The following MAML2 variants were observed in gnomAD, a reference collection of about 807,000 sequenced individuals.
MAML2 encodes mastermind-like protein 2.
A neutral mutation model predicts 96.1 loss-of-function variants in MAML2; 22 were observed. The observed-to-expected ratio is 0.23, with a 90% CI of 0.16 to 0.33. The LOEUF is 0.33. Among genes scored for constraint, MAML2 ranks in the 10% least tolerant of loss-of-function variants. The probability of loss-of-function intolerance (pLI) is 1.00; values close to 1 mark genes in which losing one functional copy is unlikely to be tolerated. For missense variants in MAML2, 1,367 were observed against 1,392.4 expected (o/e 0.98, Z 0.29); for synonymous variants, 561 against 521.3 (o/e 1.08, Z -1.04).
At chr11:96,113,185 A>C (rs1393875911) in intron 1 of MAML2, among the ~76,000 whole-genome samples, 1 of 12,204 alleles carries the variant, frequency 8.2e-5, no homozygotes, top group African/African-American at 3.8e-4. Flanking sequence ...AAAAAAAAAA[A>C]AAAAACTTTG....
chr11:96,294,185 G>A (rs1173104949), intron 1 of MAML2, among the ~76,000 whole-genome samples: 2 of 152,114 alleles, frequency 1.3e-5, no homozygotes, highest in Non-Finnish European at 2.9e-5. Flanking sequence ...AGGAAACTTA[G>A]ACAAATGCCA....
intron 1 of MAML2, among the ~76,000 whole-genome samples, chr11:96,310,704 G>T (rs1461096262): frequency 1.3e-5 from 2 of 152,124 alleles, no homozygotes; most frequent in Non-Finnish European, 1.5e-5. Flanking sequence ...GACTCTTCAC[G>T]CAAGTCAATT....
chr11:96,011,040 C>A (rs1858257814), intron 2 of MAML2, among the ~76,000 whole-genome samples: 1 of 152,110 alleles, frequency 6.6e-6, no homozygotes, highest in Non-Finnish European at 1.5e-5. Flanking sequence ...TCTCATCAGT[C>A]AGAATGGCTC....
chr11:95,998,174 G>GTCTGTCTGTCTGTCTGTCTGTCTGTCTA (rs139615820), intron 2 of MAML2, among the ~76,000 whole-genome samples: 39 of 147,824 alleles, frequency 2.6e-4, no homozygotes, highest in African/African-American at 8.8e-4. Context: ...CTGTCTGTCT[G>GTCTGTCTGTCTGTCTGTCTGTCTGTCTA]TCTATCTATC....
At chr11:96,066,301 C>T (rs1042902160) in intron 2 of MAML2, among the ~76,000 whole-genome samples, 3 of 152,188 alleles carry the variant, frequency 2.0e-5, no homozygotes, top group African/African-American at 7.2e-5. Context: ...GGGGCTGGCA[C>T]ACACTGACAT....
At chr11:96,028,101 T>C (rs1233353987) in intron 2 of MAML2, among the ~76,000 whole-genome samples, 1 of 152,210 alleles carries the variant, frequency 6.6e-6, no homozygotes, top group Non-Finnish European at 1.5e-5. Flanking sequence ...CTGCATCTTT[T>C]TCTATTTATT....
At position 95,991,527 on chromosome 11, in the gene MAML2, G is replaced by C; in HGVS notation, c.2336C>G (p.Ala779Gly). The C allele has an allele frequency of 1.9e-6, 3 of 1,613,102 alleles. No homozygotes were observed. The South Asian group carries it at 3.3e-5, about 18-fold the overall frequency. Residue 779 changes from alanine (A) to glycine (G), a missense_variant, in exon 3 of 5, where the codon GCT becomes GGT. By Grantham distance (60) the Ala-to-Gly change is moderately conservative (BLOSUM62 0). Transcript: ENST00000524717. ...ATTAAGAGAAAGTTTTACCGCGTCA[G>C]CCAGCATCTGCTGCTGGAGAAGAAG... is the stretch of plus-strand genomic sequence containing the variant. Reference protein sequence around the residue: ...QQLLLQQQMLADAEKIAPQDQ... With the variant: ...QQLLLQQQMLGDAEKIAPQDQ...
intron 1 of MAML2, among the ~76,000 whole-genome samples, chr11:96,245,025 T>C (rs1565260850): frequency 6.6e-6 from 1 of 152,148 alleles, no homozygotes; most frequent in Non-Finnish European, 1.5e-5. Flanking sequence ...GTAGAAACAA[T>C]GAATAATACA....
At chr11:96,101,587 G>A (rs1440048480) in intron 1 of MAML2, among the ~76,000 whole-genome samples, 1 of 152,310 alleles carries the variant, frequency 6.6e-6, no homozygotes. Context: ...TACCTTACCT[G>A]TATGATATGG....
At chr11:96,227,866 C>T (rs1444208277) in intron 1 of MAML2, among the ~76,000 whole-genome samples, 1 of 152,146 alleles carries the variant, frequency 6.6e-6, no homozygotes. Context: ...TTTTGGGAGG[C>T]CAAGGCAAGC....
intron 1 of MAML2, among the ~76,000 whole-genome samples, chr11:96,105,656 C>T (rs754211761): frequency 9.2e-5 from 14 of 152,212 alleles, no homozygotes; most frequent in Non-Finnish European, 1.9e-4. Flanking sequence ...CTTATAGCAA[C>T]TGTATCTAGG....
At chr11:96,103,747 A>T (rs541007021) in intron 1 of MAML2, among the ~76,000 whole-genome samples, 1 of 152,100 alleles carries the variant, frequency 6.6e-6, no homozygotes, top group South Asian at 2.1e-4. Flanking sequence ...TAAGCAATCA[A>T]GTATTCTCCA....
At chr11:96,070,405 A>G (rs1859326433) in intron 2 of MAML2, among the ~76,000 whole-genome samples, 1 of 152,246 alleles carries the variant, frequency 6.6e-6, no homozygotes, top group South Asian at 2.1e-4. Context: ...GCAGCCCCTT[A>G]GGGAGCCCAG....
chr11:96,066,039 A>G (rs995666503), intron 2 of MAML2, among the ~76,000 whole-genome samples: 11 of 152,142 alleles, frequency 7.2e-5, no homozygotes, highest in Admixed American at 3.9e-4. Flanking sequence ...GCTCCAAGAA[A>G]AGTGTCAATG....
intron 1 of MAML2, among the ~76,000 whole-genome samples, chr11:96,107,731 G>A (rs186144224): frequency 9.2e-5 from 14 of 152,250 alleles, no homozygotes; most frequent in African/African-American, 2.2e-4. Flanking sequence ...GTTGATCACC[G>A]GTGGCCAATG....
chr11:96,299,347 C>T (rs1277640258), intron 1 of MAML2, among the ~76,000 whole-genome samples: 3 of 151,202 alleles, frequency 2.0e-5, no homozygotes, highest in East Asian at 1.9e-4. Flanking sequence ...CACAACAATA[C>T]AGTTGGCAAG....
chr11:96,307,067 A>G (rs1367257994), intron 1 of MAML2, among the ~76,000 whole-genome samples: 1 of 152,198 alleles, frequency 6.6e-6, no homozygotes, highest in African/African-American at 2.4e-5. Context: ...CACGGCTGTA[A>G]TAAGTCACAA....
At chr11:96,191,101 C>T (rs1404549777) in intron 1 of MAML2, among the ~76,000 whole-genome samples, 2 of 152,048 alleles carry the variant, frequency 1.3e-5, no homozygotes, top group East Asian at 1.9e-4. Context: ...GTCTAAACTA[C>T]TATTATGTAA....
chr11:96,133,340 T>A (rs1860575799), intron 1 of MAML2, among the ~76,000 whole-genome samples: 1 of 152,174 alleles, frequency 6.6e-6, no homozygotes, highest in South Asian at 2.1e-4. Context: ...GTAAAATATA[T>A]TACATTTTCT....
Sources: allele counts gnomAD v4.1 joint callset (sites outside exome capture counted in the v4.1 genomes callset), GRCh38; gene constraint gnomAD v4.1.1; transcripts MANE v1.5; gene names NCBI Gene and HGNC (gene_info 2026-07-23, HGNC 2026-07-21).